Variants in SPTLC3 observed in about 807,000 individuals in gnomAD.
SPTLC3 encodes the protein serine palmitoyltransferase 3.
In SPTLC3, 36 loss-of-function variants were observed where a neutral mutation model predicts 59.3. That is an observed-to-expected ratio of 0.61 (90% CI 0.47 to 0.80). The LOEUF is 0.80. SPTLC3 is among the 30% of genes least tolerant of loss of function. SPTLC3 has a pLI of 0.00. For missense variants in SPTLC3, 625 were observed against 685.1 expected (o/e 0.91, Z 0.98); for synonymous variants, 257 against 240.8 (o/e 1.07, Z -0.62).
At chr20:13,045,843 G>T (rs1377447096) in intron 1 of SPTLC3, among the ~76,000 whole-genome samples, 1 of 151,938 alleles carries the variant, frequency 6.6e-6, no homozygotes, top group Non-Finnish European at 1.5e-5. Flanking sequence ...TACAGTGCAG[G>T]GTTGCCTCAG....
chr20:13,168,696 C>T lies in SPTLC3; in HGVS notation c.*3829C>T, dbSNP rs2039014649. ...AACCTAAGTTCCGATGATGATGAAA[C>T]ATTAACTCTTAAATATACATTTTGA... is the stretch of plus-strand genomic sequence containing the variant. On this transcript the variant is annotated 3_prime_UTR_variant, in exon 12 of 12. Coordinates refer to ENST00000399002, the MANE Select transcript of SPTLC3 (RefSeq NM_018327.4). 1.3e-5 allele frequency: 2 copies of T among 152,132 alleles called. No homozygotes were observed. The highest frequency in any genetic ancestry group is 4.1e-4 in the South Asian group (2 of 4,820). The allele number at this position is 152,132 out of a possible 1,614,324, so 9.4% of individuals were successfully genotyped here.
intron 9 of SPTLC3, among the ~76,000 whole-genome samples, chr20:13,148,377 T>C (rs1274737055): frequency 6.6e-6 from 1 of 151,990 alleles, no homozygotes; most frequent in Non-Finnish European, 1.5e-5. Context: ...AACAGACAGG[T>C]CATCAGCCAA....
intron 10 of SPTLC3, among the ~76,000 whole-genome samples, chr20:13,157,332 G>A (rs548685512): frequency 1.3e-5 from 2 of 152,062 alleles, no homozygotes; most frequent in Admixed American, 1.3e-4. Context: ...AGCTACTTGG[G>A]AGATTGAGGC....
chr20:13,093,576 C>G lies in SPTLC3; in HGVS notation c.825C>G (p.Asn275Lys). The change falls in exon 6 of 12, where the codon AAC becomes AAG. Residue 275 changes from asparagine to lysine, a missense_variant and splice_region_variant. Physicochemically the swap from Asn to Lys is moderately conservative, Grantham distance 94 (BLOSUM62 0). Transcript: ENST00000399002. ...CAACCATAAGAATCTTCAAACACAA[C>G]AGTGAGTATCAGTGTATTTTCTCAA... ...SGATIRIFKH[N>K]NTQSLEKLLR... The G allele has an allele frequency of 6.2e-7, 1 of 1,612,398 alleles. No homozygotes were observed.
chr20:13,087,808 T>C (rs1199735872), intron 4 of SPTLC3, among the ~76,000 whole-genome samples: 1 of 152,210 alleles, frequency 6.6e-6, no homozygotes, highest in East Asian at 1.9e-4. Context: ...TCAGTTCAAC[T>C]TAATAAGTGC....
At chr20:13,149,325 G>A (rs1296000593) in intron 9 of SPTLC3, among the ~76,000 whole-genome samples, 2 of 152,176 alleles carry the variant, frequency 1.3e-5, no homozygotes, top group Non-Finnish European at 2.9e-5. Context: ...GGCTGTCCCT[G>A]TACAAAAGGA....
chr20:13,066,543 TC>T (rs1366808406), intron 2 of SPTLC3, among the ~76,000 whole-genome samples: 2 of 152,206 alleles, frequency 1.3e-5, no homozygotes, highest in Non-Finnish European at 2.9e-5. Flanking sequence ...ACCTTATGAC[TC>T]CTTGCATATA....
chr20:13,166,884 C>G lies in SPTLC3; in HGVS notation c.*2017C>G, dbSNP rs1376739190. 6.6e-6 allele frequency: 1 copy of G among 152,144 alleles called. No individual in the cohort carries two copies. The highest frequency in any genetic ancestry group is 1.5e-5 in the Non-Finnish European group (1 of 68,026). The allele number at this position is 152,144 out of a possible 1,614,324, so 9.4% of individuals were successfully genotyped here. ...ATTACTTTCATGGAGGATATTGGGT[C>G]TAATTCATTGTGGGAAACTACTTAC... On this transcript the variant is annotated 3_prime_UTR_variant, in exon 12 of 12. Transcript: ENST00000399002.
chr20:13,017,861 C>T (rs1032322497), intron 1 of SPTLC3, among the ~76,000 whole-genome samples: 3 of 152,136 alleles, frequency 2.0e-5, no homozygotes, highest in Admixed American at 6.6e-5. Context: ...ATGGAAGGGA[C>T]AATCTGGGAC....
intron 2 of SPTLC3, among the ~76,000 whole-genome samples, chr20:13,063,858 G>T (rs1988070442): frequency 6.6e-6 from 1 of 151,730 alleles, no homozygotes; most frequent in Non-Finnish European, 1.5e-5. Context: ...TTTTCTCCAT[G>T]TTGACCAGGC....
At chr20:13,088,525 G>A (rs985105602) in intron 4 of SPTLC3, among the ~76,000 whole-genome samples, 1 of 151,610 alleles carries the variant, frequency 6.6e-6, no homozygotes, top group Non-Finnish European at 1.5e-5. Context: ...TAGTTTCACC[G>A]TGTTAGCCAG....
At chr20:13,016,094 G>C (rs1012647281) in intron 1 of SPTLC3, among the ~76,000 whole-genome samples, 2 of 151,722 alleles carry the variant, frequency 1.3e-5, no homozygotes, top group African/African-American at 4.8e-5. Flanking sequence ...ACAAAAAGAG[G>C]CCAAACACCA....
intron 7 of SPTLC3, among the ~76,000 whole-genome samples, chr20:13,111,750 G>C (rs767842914): frequency 9.9e-5 from 15 of 152,076 alleles, no homozygotes; most frequent in Non-Finnish European, 2.1e-4. Context: ...GAGCAGACTG[G>C]GCATCTCCTT....
chr20:13,148,629 G>T lies in SPTLC3; in HGVS notation c.1280-5374G>T, dbSNP rs149491073. Among the ~76,000 whole-genome samples the T allele has an allele frequency of 2.3e-3, 354 of 152,336 alleles. 1 individual carries two copies. Among genetic ancestry groups the T allele is most frequent in the Middle Eastern group, 0.01 (3 of 294 alleles). The stretch of plus-strand genomic sequence containing the variant: ...TGAAGGAGCATAGCTCAGCCAGGCT[G>T]CAATCAGATACCCAGAAAAGGCCAT... On this transcript the variant is annotated intron_variant, in intron 9 of 11. Coordinates refer to ENST00000399002, the MANE Select transcript of SPTLC3 (RefSeq NM_018327.4).
At chr20:13,123,387 T>C (rs6109720) in intron 8 of SPTLC3, among the ~76,000 whole-genome samples, 22,409 of 151,866 alleles carry the variant, frequency 0.15, 2,771 homozygotes, top group African/African-American at 0.34. Flanking sequence ...GTGTACCAGA[T>C]GCTTTTCTAA....
At chr20:13,141,441 T>C (rs1207291407) in intron 9 of SPTLC3, among the ~76,000 whole-genome samples, 2 of 152,236 alleles carry the variant, frequency 1.3e-5, no homozygotes, top group African/African-American at 2.4e-5. Flanking sequence ...TCTCAGTGTC[T>C]ACCTTGGAAG....
intron 10 of SPTLC3, among the ~76,000 whole-genome samples, chr20:13,155,018 T>C (rs2038734840): frequency 6.6e-6 from 1 of 151,860 alleles, no homozygotes; most frequent in African/African-American, 2.4e-5. Flanking sequence ...CTGTCTCTAC[T>C]AAAAATACAA....
chr20:13,018,920 A>T (rs1985711779), intron 1 of SPTLC3, among the ~76,000 whole-genome samples: 1 of 152,208 alleles, frequency 6.6e-6, no homozygotes, highest in African/African-American at 2.4e-5. Context: ...TTTTCCGGTG[A>T]TTTGGAGTTC....
chr20:13,157,273 C>CAAA (rs34562385), intron 10 of SPTLC3, among the ~76,000 whole-genome samples: 11 of 143,668 alleles, frequency 7.7e-5, no homozygotes, highest in African/African-American at 2.1e-4. Context: ...ACTAAAAGTA[C>CAAA]AAAAAAAAAA....
Sources: gnomAD v4.1 joint callset for allele counts (sites outside exome capture counted in the v4.1 genomes callset) on GRCh38, gnomAD v4.1.1 for gene constraint, MANE v1.5 for transcripts, NCBI Gene and HGNC (gene_info 2026-07-23, HGNC 2026-07-21) for gene names.